DENND1A: variants seen among roughly 807,000 people sequenced by gnomAD.
The protein encoded by DENND1A is DENN domain containing 1A.
Under a neutral mutation model 113.7 loss-of-function variants are expected in DENND1A, and 51 were observed. That is an observed-to-expected ratio of 0.45 (90% CI 0.36 to 0.57). DENND1A has a LOEUF of 0.57. Ranked by LOEUF, DENND1A falls within the 20% of genes least tolerant of loss-of-function variation. The probability of loss-of-function intolerance (pLI) is 0.00; values close to 1 mark genes in which losing one functional copy is unlikely to be tolerated. For synonymous variants in DENND1A, 565 were observed against 570.8 expected (o/e 0.99, Z 0.14); for missense variants, 1,258 against 1,395.9 (o/e 0.90, Z 1.57).
chr9:123,661,132 G>T (rs2063213858), intron 8 of DENND1A, among the ~76,000 whole-genome samples: 1 of 152,190 alleles, frequency 6.6e-6, no homozygotes, highest in African/African-American at 2.4e-5. Context: ...AGCACAAAAA[G>T]AATTCCAAAA....
At chr9:123,655,434 A>C (rs1208853961) in intron 8 of DENND1A, among the ~76,000 whole-genome samples, 1 of 152,174 alleles carries the variant, frequency 6.6e-6, no homozygotes, top group Non-Finnish European at 1.5e-5. Context: ...ATGTGACTCC[A>C]GAAAACCTGG....
intron 6 of DENND1A, among the ~76,000 whole-genome samples, chr9:123,674,156 G>A (rs940161559): frequency 3.3e-5 from 5 of 152,050 alleles, no homozygotes; most frequent in Non-Finnish European, 5.9e-5. Context: ...GACACCCTGA[G>A]GCAGGCTGCT....
intron 5 of DENND1A, among the ~76,000 whole-genome samples, chr9:123,714,808 G>T (rs765103757): frequency 1.3e-5 from 2 of 152,156 alleles, no homozygotes; most frequent in African/African-American, 2.4e-5. Context: ...GAGTCCACAG[G>T]TTGGTTGCTA....
intron 19 of DENND1A, chr9:123,414,111 T>A: frequency 1.0e-6 from 1 of 995,998 alleles, no homozygotes; most frequent in Non-Finnish European, 1.2e-6. Flanking sequence ...CCTCTAGGGG[T>A]CAGACAGTTT....
intron 9 of DENND1A, among the ~76,000 whole-genome samples, chr9:123,641,078 A>C (rs137865194): frequency 6.6e-6 from 1 of 152,210 alleles, no homozygotes; most frequent in African/African-American, 2.4e-5. Flanking sequence ...GTCTAACCTC[A>C]TATCACACTA....
intron 2 of DENND1A, among the ~76,000 whole-genome samples, chr9:123,877,287 G>A (rs955894469): frequency 7.9e-5 from 12 of 151,862 alleles, no homozygotes; most frequent in African/African-American, 1.9e-4. Context: ...TCAAGAGTTC[G>A]AGACAGCCTG....
chr9:123,551,221 C>T (rs1040194280), intron 13 of DENND1A, among the ~76,000 whole-genome samples: 8 of 152,190 alleles, frequency 5.3e-5, no homozygotes, highest in African/African-American at 1.7e-4. Flanking sequence ...AGACACCTTC[C>T]CCTCTATCAG....
chr9:123,810,175 T>G (rs1032632869), intron 2 of DENND1A, among the ~76,000 whole-genome samples: 1 of 152,150 alleles, frequency 6.6e-6, no homozygotes, highest in South Asian at 2.1e-4. Context: ...TCTTAAAAGA[T>G]CTCTCCTCCT....
At chr9:123,729,470 C>G (rs2067998137) in intron 5 of DENND1A, among the ~76,000 whole-genome samples, 1 of 152,084 alleles carries the variant, frequency 6.6e-6, no homozygotes, top group Non-Finnish European at 1.5e-5. Flanking sequence ...CAATAATGGA[C>G]AAACAGAGAG....
chr9:123,724,166 G>T (rs1386460585), intron 5 of DENND1A, among the ~76,000 whole-genome samples: 1 of 152,104 alleles, frequency 6.6e-6, no homozygotes, highest in Non-Finnish European at 1.5e-5. Context: ...CAACTGGGTT[G>T]CTCTAATTAA....
intron 12 of DENND1A, among the ~76,000 whole-genome samples, chr9:123,564,980 CTT>C (rs199613371): frequency 0.024 from 1,789 of 75,604 alleles, 18 homozygotes; most frequent in African/African-American, 0.079. Context: ...TCTGTCCCTT[CTT>C]TTTTTTTTTT....
chr9:123,930,032 G>T lies in DENND1A; in HGVS notation c.-127C>A. ...CCTCCCTTCCCTCAGGCTGGGGCCC[G>T]CCCGCTCGAGGCTCGCTCCCTCGCC... On this transcript the variant is annotated 5_prime_UTR_variant, in exon 1 of 24. Transcript: ENST00000394215. 4.6e-6 allele frequency: 1 copy of T among 218,546 alleles called. No individual in the cohort carries two copies. The highest frequency in any genetic ancestry group is 8.8e-6 in the Non-Finnish European group (1 of 113,060). 13.5% of individuals were successfully genotyped at this position (218,546 alleles called of 1,614,324 possible).
chr9:123,919,649 A>C (rs1388749680), intron 1 of DENND1A, among the ~76,000 whole-genome samples: 1 of 151,958 alleles, frequency 6.6e-6, no homozygotes, highest in Non-Finnish European at 1.5e-5. Context: ...TGGGAGGTGG[A>C]GGCAGGCAGA....
At chr9:123,903,955 C>A (rs956050478) in intron 1 of DENND1A, among the ~76,000 whole-genome samples, 1 of 152,136 alleles carries the variant, frequency 6.6e-6, no homozygotes, top group African/African-American at 2.4e-5. Context: ...GTAACCTCTG[C>A]AGACTTAAAT....
At chr9:123,650,634 T>C (rs2062594659) in intron 9 of DENND1A, among the ~76,000 whole-genome samples, 1 of 152,006 alleles carries the variant, frequency 6.6e-6, no homozygotes, top group South Asian at 2.1e-4. Flanking sequence ...GCATAAAAAA[T>C]AAGATGGATC....
At chr9:123,744,010 G>T (rs16926787) in intron 5 of DENND1A, among the ~76,000 whole-genome samples, 12,117 of 152,116 alleles carry the variant, frequency 0.08, 506 homozygotes, top group Admixed American at 0.11. Context: ...ACTGCCGTTT[G>T]TGGCATTCTA....
intron 5 of DENND1A, among the ~76,000 whole-genome samples, chr9:123,735,512 C>T (rs747465499): frequency 2.0e-5 from 3 of 152,120 alleles, no homozygotes; most frequent in Non-Finnish European, 4.4e-5. Context: ...AAGTCCTAGT[C>T]AAAAAAGCCA....
At chr9:123,568,441 C>T (rs532620255) in intron 12 of DENND1A, among the ~76,000 whole-genome samples, 37 of 152,212 alleles carry the variant, frequency 2.4e-4, no homozygotes, top group Non-Finnish European at 4.8e-4. Flanking sequence ...TATTCTTCTG[C>T]GCTAGCTCAA....
intron 2 of DENND1A, among the ~76,000 whole-genome samples, chr9:123,813,801 A>G (rs1837030156): frequency 6.6e-6 from 1 of 151,598 alleles, no homozygotes; most frequent in Non-Finnish European, 1.5e-5. Context: ...TTTCGTGCAG[A>G]CTCACAAACA....
Sources: gnomAD v4.1 joint callset for allele counts (sites outside exome capture counted in the v4.1 genomes callset) on GRCh38, gnomAD v4.1.1 for gene constraint, MANE v1.5 for transcripts, NCBI Gene and HGNC (gene_info 2026-07-23, HGNC 2026-07-21) for gene names.